Variants in DUSP11 observed in about 807,000 individuals in gnomAD.
The protein encoded by DUSP11 is RNA/RNP complex-1-interacting phosphatase.
DUSP11 carries 27 observed loss-of-function variants against 41.4 expected under a neutral mutation model. That is an observed-to-expected ratio of 0.65 (90% CI 0.48 to 0.90). DUSP11 has a LOEUF of 0.90. DUSP11 is among the 40% of genes least tolerant of loss of function. DUSP11 has a pLI of 0.00. For synonymous variants in DUSP11, 188 were observed against 159.3 expected (o/e 1.18, Z -1.35); for missense variants, 465 against 461.1 (o/e 1.01, Z -0.08).
chr2:73,764,960 T>C (rs1475933183), intron 8 of DUSP11, among the ~76,000 whole-genome samples: 1 of 152,120 alleles, frequency 6.6e-6, no homozygotes, highest in African/African-American at 2.4e-5. Flanking sequence ...GGTGAGACTC[T>C]GTCACCAAAA....
chr2:73,773,449 A>G (rs572929388), intron 4 of DUSP11: 10 of 371,128 alleles, frequency 2.7e-5, no homozygotes, highest in African/African-American at 2.0e-4. Context: ...TCTCTTTCAC[A>G]TAACTCTAAG....
exon 8 of DUSP11, chr2:73,766,528 G>A: frequency 1.2e-6 from 2 of 1,614,038 alleles, no homozygotes; most frequent in Non-Finnish European, 1.7e-6. Context: ...GCTTATTGTG[G>A]ACTGGTTGCA....
intron 4 of DUSP11, among the ~76,000 whole-genome samples, chr2:73,772,495 CAGT>C (rs1461010959): frequency 6.6e-6 from 1 of 152,174 alleles, no homozygotes; most frequent in Non-Finnish European, 1.5e-5. Flanking sequence ...TGACTACAAT[CAGT>C]ATAACGTGAA....
intron 8 of DUSP11, among the ~76,000 whole-genome samples, chr2:73,764,143 T>G (rs749082535): frequency 2.0e-5 from 3 of 152,230 alleles, no homozygotes; most frequent in Non-Finnish European, 4.4e-5. Context: ...AAGTATTTCC[T>G]TAAGTCTCAG....
chr2:73,768,929 CT>C (rs1188254369), intron 5 of DUSP11: 1 of 170,088 alleles, frequency 5.9e-6, no homozygotes, highest in Non-Finnish European at 1.2e-5. Context: ...GCACTCCAGC[CT>C]GGGTGACAGA....
chr2:73,765,576 CCA>C (rs1672445551), intron 8 of DUSP11, among the ~76,000 whole-genome samples: 1 of 149,928 alleles, frequency 6.7e-6, no homozygotes, highest in Non-Finnish European at 1.5e-5. Flanking sequence ...ATCCATCTAT[CCA>C]TCCATCCATC....
At chr2:73,770,237 G>A (rs374382257) in intron 4 of DUSP11, among the ~76,000 whole-genome samples, 13 of 151,224 alleles carry the variant, frequency 8.6e-5, no homozygotes, top group Non-Finnish European at 1.5e-4. Context: ...GCACTCTGCC[G>A]GGCATGGTGG....
chr2:73,772,767 TG>T (rs1449756639), intron 4 of DUSP11, among the ~76,000 whole-genome samples: 1 of 152,222 alleles, frequency 6.6e-6, no homozygotes, highest in Non-Finnish European at 1.5e-5. Flanking sequence ...TAAAAGCTAG[TG>T]TCCACATTAA....
exon 8 of DUSP11, chr2:73,766,498 C>T (rs1672468840): frequency 1.2e-6 from 2 of 1,613,962 alleles, no homozygotes; most frequent in Middle Eastern, 1.6e-4. Flanking sequence ...GTAGATTATA[C>T]CTAGGTCCTT....
rs756686336 is a variant in DUSP11, at chr2:73,778,407, G to T, written c.243-31C>A. On this transcript the variant is annotated intron_variant, in intron 1 of 8. Transcript: ENST00000272444. ...AGATATATTTTTTGTTAGCCAAATT[G>T]TATGTTAGCCTTGTTTCCTTGCACA... 1.4e-6 allele frequency: 2 copies of T among 1,384,134 alleles called. 1 individual carries two copies. Among genetic ancestry groups the T allele is most frequent in the South Asian group, 2.9e-5 (2 of 69,238 alleles). 85.7% of individuals were successfully genotyped at this position (1,384,134 alleles called of 1,614,324 possible).
chr2:73,770,741 A>T (rs1450363390), intron 4 of DUSP11, among the ~76,000 whole-genome samples: 1 of 152,150 alleles, frequency 6.6e-6, no homozygotes, highest in Non-Finnish European at 1.5e-5. Flanking sequence ...ACTGGTATCA[A>T]TCTGTCTTTC....
intron 1 of DUSP11, among the ~76,000 whole-genome samples, chr2:73,778,889 G>A (rs1162822740): frequency 6.6e-6 from 1 of 152,104 alleles, no homozygotes; most frequent in Non-Finnish European, 1.5e-5. Flanking sequence ...GCTCACGTCT[G>A]TTAATCCCGG....
At chr2:73,771,827 C>CTT (rs1358176035) in intron 4 of DUSP11, among the ~76,000 whole-genome samples, 1 of 134,944 alleles carries the variant, frequency 7.4e-6, no homozygotes. Context: ...TAACCCACAT[C>CTT]TTTTTTTTTT....
chr2:73,762,721 C>A, exon 9 of DUSP11: 1 of 1,613,728 alleles, frequency 6.2e-7, no homozygotes, highest in South Asian at 1.1e-5. Flanking sequence ...AAGGATACCA[C>A]CTTCTTCTAT....
chr2:73,777,137 C>T (rs959891894), intron 2 of DUSP11, among the ~76,000 whole-genome samples: 1 of 152,126 alleles, frequency 6.6e-6, no homozygotes, highest in Non-Finnish European at 1.5e-5. Flanking sequence ...CACGCCACCG[C>T]GCCTGGTTAA....
chr2:73,763,958 C>A (rs1021896091), intron 8 of DUSP11, among the ~76,000 whole-genome samples: 3 of 152,142 alleles, frequency 2.0e-5, no homozygotes, highest in Non-Finnish European at 2.9e-5. Flanking sequence ...TAGCTACATT[C>A]TCCACTGTTA....
chr2:73,775,136 C>G lies in DUSP11; in HGVS notation c.319-92G>C, dbSNP rs1045203869. 16 of 1,092,494 alleles carry G rather than the reference C, an allele frequency of 1.5e-5. No individual in the cohort carries two copies. The African/African-American group carries it at 2.2e-4, about 15-fold the overall frequency. The allele number at this position is 1,092,494 out of a possible 1,614,324, so 67.7% of individuals were successfully genotyped here. On this transcript the variant is annotated intron_variant, in intron 2 of 8. Transcript: ENST00000272444. ...CAAGTCCTGTGATGCTAACATACAA[C>G]GAGATTCAAAGGAAAGTTTCCATTC... is the stretch of plus-strand genomic sequence containing the variant.
intron 8 of DUSP11, among the ~76,000 whole-genome samples, 160 bp downstream of exon 8, chr2:73,766,258 G>C (rs910993418): frequency 6.6e-6 from 1 of 150,938 alleles, no homozygotes; most frequent in Admixed American, 6.6e-5. Flanking sequence ...GCAGTGAGCC[G>C]AGATCGCGCC....
intron 8 of DUSP11, among the ~76,000 whole-genome samples, chr2:73,765,717 A>G (rs1672448616): frequency 6.6e-6 from 1 of 152,044 alleles, no homozygotes; most frequent in Non-Finnish European, 1.5e-5. Flanking sequence ...ATCTGTTCAG[A>G]TCCTTTGCTA....
Sources: allele counts gnomAD v4.1 joint callset (sites outside exome capture counted in the v4.1 genomes callset), GRCh38; gene constraint gnomAD v4.1.1; transcripts MANE v1.5; gene names NCBI Gene and HGNC (gene_info 2026-07-23, HGNC 2026-07-21).